PPFIA2: variants seen among roughly 807,000 people sequenced by gnomAD.
The protein encoded by PPFIA2 is liprin-alpha-2.
A neutral mutation model predicts 175.5 loss-of-function variants in PPFIA2; 46 were observed. The observed-to-expected ratio is 0.26, with a 90% CI of 0.21 to 0.34. The LOEUF (loss-of-function observed/expected upper bound fraction) is 0.34, where lower values mean the gene tolerates loss of function less well. Ranked by LOEUF, PPFIA2 falls within the 10% of genes least tolerant of loss-of-function variation. The pLI, the probability that PPFIA2 is intolerant of heterozygous loss-of-function variation, is 1.00. For missense variants in PPFIA2, 1,179 were observed against 1,506.1 expected, an observed-to-expected ratio of 0.78 and a Z score of 3.60; for synonymous variants, 568 against 511.4, an observed-to-expected ratio of 1.11 and a Z score of -1.49.
At chr12:81,316,797 C>T in intron 22 of PPFIA2, among the ~76,000 whole-genome samples, 1 of 151,502 alleles carries the variant, frequency 6.6e-6, no homozygotes, top group South Asian at 2.1e-4. Flanking sequence ...TTCATTCACT[C>T]CCTATATAGA....
chr12:81,647,702 A>G lies in PPFIA2; in HGVS notation c.303+29089T>C, dbSNP rs530294309. On this transcript the variant is annotated intron_variant, in intron 4 of 32. Coordinates refer to ENST00000549396, the MANE Select transcript of PPFIA2 (RefSeq NM_003625.5). The stretch of plus-strand genomic sequence containing the variant: ...CGTGAACCGGGGTGGTGGAGCTTGC[A>G]GTGAGCCAAGATCGTGCCACTACAC... 2.7e-5 allele frequency among the ~76,000 whole-genome samples: 4 copies of G among 150,150 alleles called. No homozygotes were observed. The East Asian group carries it at 7.8e-4, about 29-fold the overall frequency.
chr12:81,448,322 T>G (rs1173015923), intron 5 of PPFIA2, among the ~76,000 whole-genome samples: 1 of 152,132 alleles, frequency 6.6e-6, no homozygotes, highest in East Asian at 1.9e-4. Context: ...GCTCCCTCAG[T>G]TTCTAGAATC....
At chr12:81,479,586 T>C (rs892587171) in intron 4 of PPFIA2, among the ~76,000 whole-genome samples, 5 of 152,314 alleles carry the variant, frequency 3.3e-5, no homozygotes, top group Admixed American at 6.5e-5. Flanking sequence ...CCATATTTAG[T>C]GCTTCCTTCA....
chr12:81,538,224 C>T (rs1467607861), intron 4 of PPFIA2, among the ~76,000 whole-genome samples: 1 of 151,834 alleles, frequency 6.6e-6, no homozygotes, highest in East Asian at 1.9e-4. Flanking sequence ...ATGGTGAATA[C>T]ATAGCATAAT....
rs1472940726 is a variant in PPFIA2 at position 81,344,663 on chromosome 12, C to G, written c.2262+1G>C. On this transcript the variant is annotated splice_donor_variant, in intron 19 of 32. Coordinates refer to ENST00000549396, the MANE Select transcript of PPFIA2 (RefSeq NM_003625.5). LOFTEE classifies it high-confidence loss of function. The stretch of plus-strand genomic sequence containing the variant: ...AATGATGTAAAAGTTATTTACTGTA[C>G]CTTTCTCCGATGTTTCCTCAGATCA... 1 of 1,554,508 alleles carries G rather than the reference C, an allele frequency of 6.4e-7. No homozygotes were observed. The highest frequency in any genetic ancestry group is 8.7e-7 in the Non-Finnish European group (1 of 1,143,916).
At chr12:81,412,666 G>A (rs2044202595) in intron 7 of PPFIA2, among the ~76,000 whole-genome samples, 1 of 151,862 alleles carries the variant, frequency 6.6e-6, no homozygotes, top group Admixed American at 6.6e-5. Context: ...GGCCCATGTA[G>A]TTGTTGCTGG....
intron 4 of PPFIA2, among the ~76,000 whole-genome samples, chr12:81,616,724 C>A (rs2061451006): frequency 6.6e-6 from 1 of 152,060 alleles, no homozygotes; most frequent in Admixed American, 6.6e-5. Context: ...AAGGAAAGAA[C>A]CATAAATATT....
At chr12:81,523,874 G>C (rs2063445161) in intron 4 of PPFIA2, among the ~76,000 whole-genome samples, 3 of 152,100 alleles carry the variant, frequency 2.0e-5, no homozygotes, top group Admixed American at 2.0e-4. Context: ...TGAAACATCA[G>C]TTTGCCCATA....
chr12:81,384,068 A>G lies in PPFIA2; in HGVS notation c.939T>C (p.Ile313=). 1.2e-6 allele frequency: 2 copies of G among 1,613,136 alleles called. No individual in the cohort carries two copies. Among genetic ancestry groups the G allele is most frequent in the Non-Finnish European group, 1.7e-6 (2 of 1,179,446 alleles). ...ACTTGGTGTTCATTTCTTCTGTTTT[A>G]ATGAGATCCTTTCTTGCTGTCTCTG... is the stretch of plus-strand genomic sequence containing the variant. ...QEAETARKDL[I]KTEEMNTKYQ... The change falls in exon 9 of 33, where the codon ATT becomes ATC. Residue 313 remains isoleucine, a synonymous_variant. Coordinates refer to ENST00000549396, the MANE Select transcript of PPFIA2 (RefSeq NM_003625.5).
chr12:81,409,422 TG>T, intron 7 of PPFIA2, among the ~76,000 whole-genome samples: 1 of 152,268 alleles, frequency 6.6e-6, no homozygotes, highest in South Asian at 2.1e-4. Context: ...CTCTCATAAA[TG>T]GATTAAGGCT....
intron 5 of PPFIA2, among the ~76,000 whole-genome samples, chr12:81,447,239 A>G (rs553852191): frequency 6.6e-6 from 1 of 152,278 alleles, no homozygotes; most frequent in South Asian, 2.1e-4. Flanking sequence ...ATGGTATTCT[A>G]TTCTCTCAAA....
At chr12:81,660,160 C>T (rs562746944) in intron 4 of PPFIA2, among the ~76,000 whole-genome samples, 18 of 152,120 alleles carry the variant, frequency 1.2e-4, no homozygotes, top group African/African-American at 2.7e-4. Context: ...TCCAAAGGAA[C>T]GCAGCTCCTC....
chr12:81,359,733 T>C (rs977203749), intron 15 of PPFIA2, among the ~76,000 whole-genome samples: 1 of 151,912 alleles, frequency 6.6e-6, no homozygotes, highest in Non-Finnish European at 1.5e-5. Context: ...GGGTGAAGTT[T>C]CTAACATTAT....
At chr12:81,549,026 G>T (rs2067444873) in intron 4 of PPFIA2, among the ~76,000 whole-genome samples, 1 of 152,014 alleles carries the variant, frequency 6.6e-6, no homozygotes, top group African/African-American at 2.4e-5. Flanking sequence ...TTAGTTTCCT[G>T]CAAGAGAAAT....
chr12:81,601,128 T>A (rs1310844645), intron 4 of PPFIA2, among the ~76,000 whole-genome samples: 1 of 151,824 alleles, frequency 6.6e-6, no homozygotes, highest in African/African-American at 2.4e-5. Flanking sequence ...GGGGAGGAGA[T>A]GAAAATAGTA....
At chr12:81,567,077 C>T (rs754106464) in intron 4 of PPFIA2, among the ~76,000 whole-genome samples, 1 of 152,140 alleles carries the variant, frequency 6.6e-6, no homozygotes, top group Non-Finnish European at 1.5e-5. Context: ...GACTGAGTGG[C>T]GCTCTGTCGC....
Position 81,630,881 on chromosome 12 carries a change from CTATA to C in PPFIA2, c.303+45906_303+45909del, listed in dbSNP as rs67242917. 5.9e-3 allele frequency among the ~76,000 whole-genome samples: 834 copies of C among 140,636 alleles called. 6 individuals are homozygous for C. The highest frequency in any genetic ancestry group is 7.2e-3 in the Non-Finnish European group (469 of 65,500). The allele number at this position is 140,636 out of a possible 152,430, so 92.3% of individuals were successfully genotyped here. A position where few individuals can be genotyped will look rare whatever the true frequency, so the allele number is the denominator to read the frequency against. Reference sequence around the variant, plus strand: ...TTATGTAAAGATGTCTATGGAAAGGCTATATATATATATATATATTTTTTTTTTT... The same window carrying C: ...TTATGTAAAGATGTCTATGGAAAGGCTATATATATATATATTTTTTTTTTT... On this transcript the variant is annotated intron_variant, in intron 4 of 32. Transcript: ENST00000549396.
chr12:81,516,449 C>T (rs1419029188), intron 4 of PPFIA2, among the ~76,000 whole-genome samples: 1 of 152,036 alleles, frequency 6.6e-6, no homozygotes, highest in Non-Finnish European at 1.5e-5. Flanking sequence ...GAAGTCCTAA[C>T]CCTAGTACTT....
At chr12:81,267,742 T>G (rs1368828408) in intron 29 of PPFIA2, among the ~76,000 whole-genome samples, 170 bp downstream of exon 29, 16 of 151,652 alleles carry the variant, frequency 1.1e-4, no homozygotes, top group Non-Finnish European at 8.8e-5. Context: ...TTTTTTTTTT[T>G]TTTTTGGCTA....
Sources: gnomAD v4.1 joint callset for allele counts (sites outside exome capture counted in the v4.1 genomes callset) on GRCh38, gnomAD v4.1.1 for gene constraint, MANE v1.5 for transcripts, NCBI Gene and HGNC (gene_info 2026-07-23, HGNC 2026-07-21) for gene names.